The following SIN3A variants were observed in gnomAD, a reference collection of about 807,000 sequenced individuals.
SIN3A encodes SIN3 transcription regulator family member A.
SIN3A carries 14 observed loss-of-function variants against 146.1 expected under a neutral mutation model. The ratio of observed to expected loss-of-function variants is 0.10; its 90% CI spans 0.06 to 0.15. SIN3A has a LOEUF of 0.15. Among genes scored for constraint, SIN3A ranks in the 10% least tolerant of loss-of-function variants. SIN3A has a pLI of 1.00. For missense variants in SIN3A, 1,028 were observed against 1,576.0 expected (o/e 0.65, Z 5.89); for synonymous variants, 572 against 572.0 (o/e 1.00, Z 0.00).
intron 1 of SIN3A, chr15:75,446,237 A>G (rs907148822): frequency 6.6e-6 from 1 of 151,702 alleles, no homozygotes; most frequent in Non-Finnish European, 1.5e-5. Context: ...ACCTACTGAT[A>G]AGGTAACTTC....
intron 12 of SIN3A, 149 bp from the exon 13 acceptor site, chr15:75,396,645 C>T (rs1195080243): frequency 1.6e-6 from 1 of 610,110 alleles, no homozygotes; most frequent in Non-Finnish European, 2.9e-6. Flanking sequence ...TCTTTATCAG[C>T]AAAATAGGGA....
At chr15:75,413,577 T>A (rs186524981) in intron 4 of SIN3A, among the ~76,000 whole-genome samples, 151 of 151,556 alleles carry the variant, frequency 1.0e-3, no homozygotes, top group South Asian at 1.7e-3. Flanking sequence ...AGAGTCTCAT[T>A]CTGTTGCCCA....
chr15:75,418,037 T>C (rs2073772578), intron 3 of SIN3A, among the ~76,000 whole-genome samples: 2 of 151,900 alleles, frequency 1.3e-5, no homozygotes, highest in South Asian at 4.1e-4. Flanking sequence ...TTTATTATTA[T>C]TATTATTTTT....
At chr15:75,386,004 T>C (rs1313790680) in intron 16 of SIN3A, among the ~76,000 whole-genome samples, 1 of 152,224 alleles carries the variant, frequency 6.6e-6, no homozygotes, top group African/African-American at 2.4e-5. Context: ...ACTTCAATCA[T>C]ACATACAGAT....
intron 16 of SIN3A, among the ~76,000 whole-genome samples, chr15:75,385,088 G>A (rs759058656): frequency 6.6e-5 from 10 of 152,250 alleles, no homozygotes; most frequent in South Asian, 6.2e-4. Context: ...CAGGAGAATC[G>A]CTTGAACCTG....
At chr15:75,406,550 G>C (rs1259029221) in intron 9 of SIN3A, among the ~76,000 whole-genome samples, 1 of 152,190 alleles carries the variant, frequency 6.6e-6, no homozygotes, top group East Asian at 1.9e-4. Context: ...AGCCGGGCGA[G>C]GTGGTGGGCG....
chr15:75,449,402 CATAA>C (rs2074361470), intron 1 of SIN3A, among the ~76,000 whole-genome samples: 1 of 152,130 alleles, frequency 6.6e-6, no homozygotes, highest in Admixed American at 6.5e-5. Flanking sequence ...GACATTACTG[CATAA>C]ATAAACATTG....
At position 75,429,454 on chromosome 15, in the gene SIN3A, T is replaced by A. The variant is rs1383926454; in HGVS notation, c.189+733A>T. On this transcript the variant is annotated intron_variant, in intron 2 of 20. Coordinates refer to ENST00000394947, the MANE Select transcript of SIN3A (RefSeq NM_001145358.2). Reference sequence around the variant, plus strand: ...AAAGAAAAAGGAAAAAAGTTATACATGTATTTTTGACTGCATGGGGGGAAG... The same window carrying A: ...AAAGAAAAAGGAAAAAAGTTATACAAGTATTTTTGACTGCATGGGGGGAAG... Among the ~76,000 whole-genome samples the A allele has an allele frequency of 2.0e-5, 3 of 152,206 alleles. No homozygotes were observed. The East Asian group carries it at 5.8e-4, about 29-fold the overall frequency.
chr15:75,432,130 CT>C (rs2074023127), intron 1 of SIN3A, among the ~76,000 whole-genome samples: 1 of 152,134 alleles, frequency 6.6e-6, no homozygotes, highest in Non-Finnish European at 1.5e-5. Context: ...GCATGTTTAG[CT>C]TAGTATTCAA....
intron 12 of SIN3A, 96 bp from the exon 13 acceptor site, chr15:75,396,592 G>T: frequency 1.1e-6 from 1 of 869,702 alleles, no homozygotes. Context: ...AAACTCCTTG[G>T]ATTTGAATCC....
At chr15:75,399,229 A>C (rs2073363455) in intron 12 of SIN3A, among the ~76,000 whole-genome samples, 1 of 151,808 alleles carries the variant, frequency 6.6e-6, no homozygotes, top group Non-Finnish European at 1.5e-5. Context: ...CAAAAAAACA[A>C]AACAAAACAA....
intron 1 of SIN3A, among the ~76,000 whole-genome samples, chr15:75,450,646 G>A (rs879871239): frequency 6.6e-5 from 10 of 152,218 alleles, no homozygotes; most frequent in Non-Finnish European, 1.3e-4. Flanking sequence ...GGAGCAAAGC[G>A]GAGAAAGCAG....
rs1195027575 is a variant in SIN3A at position 75,370,239 on chromosome 15, A to C, written c.*1740T>G. Reference sequence around the variant, plus strand: ...GGTCATAAAGCGAGACACTGTCTTTAAACAATAAAAGCCTAAAATCAGAGA... The same window carrying C: ...GGTCATAAAGCGAGACACTGTCTTTCAACAATAAAAGCCTAAAATCAGAGA... On this transcript the variant is annotated 3_prime_UTR_variant, in exon 21 of 21. Transcript: ENST00000394947. 2 of 152,202 alleles carry C rather than the reference A, an allele frequency of 1.3e-5. No homozygotes were observed. The highest frequency in any genetic ancestry group is 4.8e-5 in the African/African-American group (2 of 41,432). 9.4% of individuals were successfully genotyped at this position (152,202 alleles called of 1,614,324 possible).
intron 1 of SIN3A, among the ~76,000 whole-genome samples, chr15:75,450,747 G>A (rs2074388685): frequency 6.6e-6 from 1 of 152,196 alleles, no homozygotes; most frequent in South Asian, 2.1e-4. Context: ...CAGTCGGCGG[G>A]TGCCCCTCCC....
At chr15:75,391,360 CA>C (rs2073195709) in intron 15 of SIN3A, among the ~76,000 whole-genome samples, 1 of 152,190 alleles carries the variant, frequency 6.6e-6, no homozygotes, top group Admixed American at 6.5e-5. Flanking sequence ...TAGATGGAAT[CA>C]CCACAATGAG....
upstream of SIN3A, chr15:75,455,717 G>T (rs2074478690): frequency 6.6e-6 from 1 of 152,202 alleles, no homozygotes; most frequent in South Asian, 2.1e-4. Flanking sequence ...GCCAGACCGA[G>T]CGGCCGGCGG....
intron 14 of SIN3A, among the ~76,000 whole-genome samples, chr15:75,394,465 A>T (rs2073266658): frequency 6.6e-6 from 1 of 152,326 alleles, no homozygotes; most frequent in Non-Finnish European, 1.5e-5. Context: ...CCAGGACAGT[A>T]AACTAGGAAA....
intron 15 of SIN3A, among the ~76,000 whole-genome samples, chr15:75,390,407 A>G (rs1033589294): frequency 1.3e-5 from 2 of 152,240 alleles, no homozygotes; most frequent in Non-Finnish European, 1.5e-5. Flanking sequence ...GTATTTCACA[A>G]ATTGCATTAA....
In SIN3A at chr15:75,384,381, T is replaced by C. The variant is rs753978758; in HGVS notation, c.3078A>G (p.Ala1026=). Residue 1026 remains alanine (A), a synonymous_variant, in exon 17 of 21, where the codon GCA becomes GCG. Coordinates refer to ENST00000394947, the MANE Select transcript of SIN3A (RefSeq NM_001145358.2). The part of the protein sequence containing the change: ...ICVQVTDLYL[A]ENNNGATGGQ... ...CTCCGGTGGCCCCATTATTATTTTC[T>C]GCCAGGTAAAGGTCAGTCACCTGCA... The C allele has an allele frequency of 6.2e-7, 1 of 1,613,882 alleles. No homozygotes were observed. Among genetic ancestry groups the C allele is most frequent in the Non-Finnish European group, 8.5e-7 (1 of 1,179,810 alleles).
Sources: gnomAD v4.1 joint callset for allele counts (sites outside exome capture counted in the v4.1 genomes callset) on GRCh38, gnomAD v4.1.1 for gene constraint, MANE v1.5 for transcripts, NCBI Gene and HGNC (gene_info 2026-07-23, HGNC 2026-07-21) for gene names.